Variants in CILK1 observed in about 807,000 individuals in gnomAD.
The protein encoded by CILK1 is ciliogenesis associated kinase 1, also known as serine/threonine-protein kinase ICK.
In CILK1, 47 loss-of-function variants were observed where a neutral mutation model predicts 79.2. The observed-to-expected ratio is 0.59, with a 90% confidence interval of 0.47 to 0.76. CILK1 has a LOEUF of 0.76. Ranked by LOEUF, CILK1 falls within the 30% of genes least tolerant of loss-of-function variation. The pLI is 0.00. For synonymous variants in CILK1, 266 were observed against 275.9 expected (o/e 0.96, Z 0.36); for missense variants, 660 against 769.5 (o/e 0.86, Z 1.68).
chr6:53,008,560 G>T (rs1457326209), intron 12 of CILK1, among the ~76,000 whole-genome samples: 2 of 152,104 alleles, frequency 1.3e-5, no homozygotes, highest in African/African-American at 4.8e-5. Flanking sequence ...GAGTAGCTGG[G>T]ATTACAGGCC....
chr6:53,057,350 A>G (rs1320417734), intron 1 of CILK1, among the ~76,000 whole-genome samples: 4 of 152,180 alleles, frequency 2.6e-5, no homozygotes. Flanking sequence ...CCATCGTTAT[A>G]CATTTATTAA....
intron 3 of CILK1, among the ~76,000 whole-genome samples, chr6:53,033,085 T>C (rs763824857): frequency 3.3e-5 from 5 of 152,298 alleles, no homozygotes; most frequent in South Asian, 4.1e-4. Context: ...ACACTCTGAA[T>C]AGGAAATTGT....
intron 3 of CILK1, among the ~76,000 whole-genome samples, chr6:53,037,452 T>G (rs1266949317): frequency 6.6e-6 from 1 of 152,162 alleles, no homozygotes; most frequent in Non-Finnish European, 1.5e-5. Flanking sequence ...TCTACCCGCT[T>G]CTGCCTTCCC....
chr6:53,007,773 T>C (rs975434896), intron 12 of CILK1, among the ~76,000 whole-genome samples: 4 of 119,954 alleles, frequency 3.3e-5, no homozygotes, highest in African/African-American at 9.9e-5. Flanking sequence ...CTACTAAAAA[T>C]ACAAAAAAAA....
chr6:53,027,704 G>C (rs894357975), intron 5 of CILK1, among the ~76,000 whole-genome samples: 3 of 152,178 alleles, frequency 2.0e-5, no homozygotes, highest in Non-Finnish European at 4.4e-5. Context: ...AAATCATTTA[G>C]CAGTGAAAAT....
rs1764032906 is a variant in CILK1, at chr6:53,003,349, C to T, written c.*1800G>A. The stretch of plus-strand genomic sequence containing the variant: ...CCATGGTTATTTGTTCAGAATGCAA[C>T]ATATTATTAATACACCAAGGCAATA... On this transcript the variant is annotated 3_prime_UTR_variant, in exon 14 of 14. Transcript: ENST00000676107. The T allele has an allele frequency of 6.6e-6, 1 of 152,248 alleles. No individual in the cohort carries two copies. The highest frequency in any genetic ancestry group is 2.4e-5 in the African/African-American group (1 of 41,436). 9.4% of individuals were successfully genotyped at this position (152,248 alleles called of 1,614,324 possible).
Position 53,030,589 on chromosome 6 carries a change from C to A in CILK1, c.358+476G>T, listed in dbSNP as rs1001010228. Reference sequence around the variant, plus strand: ...TATCCACATCTTGTTTTGCCTTTGTCTCTTTTTTTAGTTTGCTAATTTTTA... The same window carrying A: ...TATCCACATCTTGTTTTGCCTTTGTATCTTTTTTTAGTTTGCTAATTTTTA... On this transcript the variant is annotated intron_variant, in intron 5 of 13. Coordinates refer to ENST00000676107, the MANE Select transcript of CILK1 (RefSeq NM_014920.5). Among the ~76,000 whole-genome samples, 4 of 152,192 alleles carry A rather than the reference C, an allele frequency of 2.6e-5. No homozygotes were observed. In the East Asian group the frequency reaches 7.7e-4, roughly 29 times the overall value.
chr6:53,016,283 A>T (rs1562010713), intron 7 of CILK1, 33 bp from the exon 8 acceptor site: 3 of 1,611,880 alleles, frequency 1.9e-6, no homozygotes, highest in Non-Finnish European at 2.5e-6. Flanking sequence ...AATCTTGCTC[A>T]GCCAATTGCT....
At chr6:53,018,236 G>A (rs1421552378) in intron 7 of CILK1, 94 bp downstream of exon 7, 4 of 1,187,076 alleles carry the variant, frequency 3.4e-6, no homozygotes, top group African/African-American at 1.5e-5. Flanking sequence ...AGAATGGGCA[G>A]GTGCTCAATC....
Position 53,041,213 on chromosome 6 carries a change from C to T in CILK1, c.24G>A (p.Arg8=). 6.2e-7 allele frequency: 1 copy of T among 1,613,806 alleles called. No individual in the cohort carries two copies. Among genetic ancestry groups the T allele is most frequent in the Non-Finnish European group, 8.5e-7 (1 of 1,179,780 alleles). The change falls in exon 2 of 14, where the codon AGG becomes AGA. Residue 8 remains arginine (R), a synonymous_variant. Coordinates refer to ENST00000676107, the MANE Select transcript of CILK1 (RefSeq NM_014920.5). ...AACCGTAGGTTCCATCCCCGAGCTG[C>T]CTGATTGTTGTGTATCTATTCATGG... MNRYTTI[R]QLGDGTYGSV... is the part of the protein sequence containing the mutation.
rs908472145 is a variant in CILK1 at position 53,003,146 on chromosome 6, T to C, written c.*2003A>G. On this transcript the variant is annotated 3_prime_UTR_variant, in exon 14 of 14. Coordinates refer to ENST00000676107, the MANE Select transcript of CILK1 (RefSeq NM_014920.5). ...CAGCTTCAAGTTGTGCTTGCATATA[T>C]ATTTTCTGAAGCTTTGCTGCCAGCT... is the stretch of plus-strand genomic sequence containing the variant. The C allele has an allele frequency of 1.3e-5, 2 of 152,660 alleles. No homozygotes were observed. Among genetic ancestry groups the C allele is most frequent in the East Asian group, 1.9e-4 (1 of 5,202 alleles). The allele number at this position is 152,660 out of a possible 1,614,324, so 9.5% of individuals were successfully genotyped here.
At position 53,038,009 on chromosome 6, in the gene CILK1, GAAAC is replaced by G; in HGVS notation, c.102-20_102-17del. 1 of 1,557,114 alleles carries G rather than the reference GAAAC, an allele frequency of 6.4e-7. No homozygotes were observed. The highest frequency in any genetic ancestry group is 8.9e-7 in the Non-Finnish European group (1 of 1,128,296). On this transcript the variant is annotated splice_polypyrimidine_tract_variant and intron_variant, in intron 2 of 13. Coordinates refer to ENST00000676107, the MANE Select transcript of CILK1 (RefSeq NM_014920.5). ...TCTTTTCATTCTAGAAGAGAAGAAA[GAAAC>G]AAACAGCACACTTATTCTCAGTAAT...
intron 12 of CILK1, 102 bp downstream of exon 12, chr6:53,009,337 G>A (rs1581941724): frequency 9.1e-7 from 1 of 1,100,342 alleles, no homozygotes; most frequent in Non-Finnish European, 1.4e-6. Context: ...GATGACAAAG[G>A]CCCCTGTGCT....
chr6:53,059,213 C>T (rs141956092), intron 1 of CILK1, among the ~76,000 whole-genome samples: 5 of 152,122 alleles, frequency 3.3e-5, no homozygotes, highest in South Asian at 2.1e-4. Flanking sequence ...CACCACAACT[C>T]GGGGGTGAAA....
In CILK1 at chr6:53,018,515, G is replaced by A. The variant is rs777700185; in HGVS notation, c.492-14C>T. 1 of 1,613,300 alleles carries A rather than the reference G, an allele frequency of 6.2e-7. No homozygotes were observed. Among genetic ancestry groups the A allele is most frequent in the African/African-American group, 1.3e-5 (1 of 74,902 alleles). On this transcript the variant is annotated splice_polypyrimidine_tract_variant and intron_variant, in intron 6 of 13. Coordinates refer to ENST00000676107, the MANE Select transcript of CILK1 (RefSeq NM_014920.5). ...GGAGCCCTGTACCTGGAGGAACAAA[G>A]GTTAACTGCTAGCTATTGCTTCCAC...
intron 3 of CILK1, among the ~76,000 whole-genome samples, chr6:53,035,282 G>A (rs944793758): frequency 6.6e-5 from 10 of 151,824 alleles, no homozygotes; most frequent in Non-Finnish European, 1.5e-4. Flanking sequence ...AGAGAATGGT[G>A]GGCACATTTA....
chr6:53,019,402 C>T, intron 5 of CILK1, 43 bp from the exon 6 acceptor site: 1 of 1,609,906 alleles, frequency 6.2e-7, no homozygotes, highest in Non-Finnish European at 8.5e-7. Flanking sequence ...TGCAAGTTTG[C>T]TTCGTATTAT....
chr6:53,034,876 T>TG (rs2127443409), intron 3 of CILK1, among the ~76,000 whole-genome samples: 1 of 151,688 alleles, frequency 6.6e-6, no homozygotes, highest in Admixed American at 6.6e-5. Context: ...GAAGGAAGAG[T>TG]GACACCTGGA....
At position 53,057,574 on chromosome 6, in the gene CILK1, T is replaced by C. The variant is rs426732; in HGVS notation, c.-173+4022A>G. Among the ~76,000 whole-genome samples, 921 of 143,496 alleles carry C rather than the reference T, an allele frequency of 6.4e-3. 5 individuals carry two copies. The highest frequency in any genetic ancestry group is 0.022 in the African/African-American group (871 of 39,632). 94.1% of individuals were successfully genotyped at this position (143,496 alleles called of 152,430 possible). On this transcript the variant is annotated intron_variant, in intron 1 of 13. Transcript: ENST00000676107. ...TCTTTTGGTTCAGAGGCATTATCTT[T>C]TATAGCAGCCATGATGAGCTTATTT...
Sources: gnomAD v4.1 joint callset for allele counts (sites outside exome capture counted in the v4.1 genomes callset) on GRCh38, gnomAD v4.1.1 for gene constraint, MANE v1.5 for transcripts, NCBI Gene and HGNC (gene_info 2026-07-23, HGNC 2026-07-21) for gene names.